FAM118B: variants seen among roughly 807,000 people sequenced by gnomAD.
FAM118B encodes the protein SIR2 antiphage like 1.
FAM118B carries 24 observed loss-of-function variants against 38.5 expected under a neutral mutation model. The observed-to-expected ratio is 0.62, with a 90% CI of 0.45 to 0.88. The LOEUF (loss-of-function observed/expected upper bound fraction) is 0.88, where lower values mean the gene tolerates loss of function less well. FAM118B is among the 40% of genes least tolerant of loss of function. The probability of loss-of-function intolerance (pLI) is 0.00; values close to 1 mark genes in which losing one functional copy is unlikely to be tolerated. For synonymous variants in FAM118B, 138 were observed against 156.3 expected, an observed-to-expected ratio of 0.88 and a Z score of 0.87; for missense variants, 334 against 420.0, an observed-to-expected ratio of 0.80 and a Z score of 1.79.
intron 4 of FAM118B, among the ~76,000 whole-genome samples, chr11:126,248,400 C>T (rs1443011121): frequency 5.5e-5 from 4 of 72,792 alleles, no homozygotes; most frequent in African/African-American, 5.4e-5. Context: ...GATGGAGTTT[C>T]GCTCTTGTTG....
chr11:126,237,083 A>AT lies in FAM118B; in HGVS notation c.86+2002dup, dbSNP rs1950284667. On this transcript the variant is annotated intron_variant, in intron 3 of 8. Transcript: ENST00000533050. ...AGGCGCCCGCCACCATGCCCGGCTA[A>AT]TTTTTTGTATTTTTAGTAGAGACGG... Among the ~76,000 whole-genome samples the AT allele has an allele frequency of 2.0e-5, 3 of 148,298 alleles. No homozygotes were observed. The Admixed American group carries it at 2.0e-4, about 10-fold the overall frequency.
chr11:126,221,903 G>A (rs1049627416), intron 1 of FAM118B, among the ~76,000 whole-genome samples: 1 of 152,032 alleles, frequency 6.6e-6, no homozygotes, highest in South Asian at 2.1e-4. Flanking sequence ...AGCTTTCCTT[G>A]ATTTTCCTCA....
intron 1 of FAM118B, among the ~76,000 whole-genome samples, chr11:126,226,601 T>C (rs1591506174): frequency 6.6e-6 from 1 of 152,248 alleles, no homozygotes; most frequent in East Asian, 1.9e-4. Flanking sequence ...CCAAATCTAC[T>C]AGTCTACTCT....
chr11:126,219,023 G>C (rs1241345752), intron 1 of FAM118B, among the ~76,000 whole-genome samples: 4 of 152,126 alleles, frequency 2.6e-5, no homozygotes, highest in Non-Finnish European at 4.4e-5. Flanking sequence ...TTGCGCATTA[G>C]TTAAATAGAC....
intron 2 of FAM118B, chr11:126,233,519 C>G (rs1432100291): frequency 3.8e-6 from 1 of 264,460 alleles, no homozygotes; most frequent in South Asian, 3.6e-5. Flanking sequence ...CCAGAAAAAC[C>G]TACATGGTTG....
chr11:126,211,729 G>A, upstream of FAM118B: 1 of 1,435,498 alleles, frequency 7.0e-7, no homozygotes, highest in Non-Finnish European at 9.4e-7. Context: ...GTCACGTGGT[G>A]CGGGGTGGGG....
intron 7 of FAM118B, among the ~76,000 whole-genome samples, chr11:126,257,295 TCAAAA>T (rs1950591990): frequency 6.6e-6 from 1 of 152,150 alleles, no homozygotes; most frequent in Non-Finnish European, 1.5e-5. Context: ...AGAAATCCCA[TCAAAA>T]CAATTTATCC....
At chr11:126,215,641 G>A (rs563438398) in intron 1 of FAM118B, among the ~76,000 whole-genome samples, 17 of 146,240 alleles carry the variant, frequency 1.2e-4, no homozygotes, top group African/African-American at 4.3e-4. Context: ...AGCTTGCAGT[G>A]AGCCAAGATC....
At chr11:126,215,575 T>C (rs1001519911) in intron 1 of FAM118B, among the ~76,000 whole-genome samples, 1 of 151,226 alleles carries the variant, frequency 6.6e-6, no homozygotes, top group African/African-American at 2.4e-5. Flanking sequence ...CAGGCACCTG[T>C]AGTCCCAGCT....
chr11:126,232,814 C>T (rs1950226198), intron 2 of FAM118B, among the ~76,000 whole-genome samples: 1 of 151,562 alleles, frequency 6.6e-6, no homozygotes, highest in Non-Finnish European at 1.5e-5. Flanking sequence ...TAAACACATT[C>T]TACCCCTAGT....
chr11:126,218,250 T>G (rs959788650), intron 1 of FAM118B, among the ~76,000 whole-genome samples: 2 of 152,230 alleles, frequency 1.3e-5, no homozygotes, highest in Admixed American at 6.5e-5. Flanking sequence ...TCCACTTCCT[T>G]CAGGTGATGT....
At chr11:126,224,996 A>G (rs951394831) in intron 1 of FAM118B, among the ~76,000 whole-genome samples, 2 of 152,230 alleles carry the variant, frequency 1.3e-5, no homozygotes, top group African/African-American at 2.4e-5. Flanking sequence ...AATTCAGTTC[A>G]TAGGGCAGCT....
Position 126,262,103 on chromosome 11 carries a change from T to C in FAM118B, c.1043-17T>C, listed in dbSNP as rs753064319. On this transcript the variant is annotated splice_polypyrimidine_tract_variant and intron_variant, in intron 8 of 8. Transcript: ENST00000533050. ...TTTGTGAAACTTCATTTTGTTCTCTTTTCTTTCTCCCTACAGGCTGTAGTA... is the reference window on the plus strand; with the variant it reads ...TTTGTGAAACTTCATTTTGTTCTCTCTTCTTTCTCCCTACAGGCTGTAGTA... 27 of 1,614,014 alleles carry C rather than the reference T, an allele frequency of 1.7e-5. No individual in the cohort carries two copies. The highest frequency in any genetic ancestry group is 2.1e-5 in the Non-Finnish European group (25 of 1,179,912).
At position 126,236,625 on chromosome 11, in the gene FAM118B, G is replaced by T. The variant is rs901534901; in HGVS notation, c.86+1538G>T. Among the ~76,000 whole-genome samples the T allele has an allele frequency of 2.0e-5, 3 of 152,186 alleles. No homozygotes were observed. In the East Asian group the frequency reaches 5.8e-4, roughly 29 times the overall value. Reference sequence around the variant, plus strand: ...AGCTGGCAACTAGTACCTTCACTTTGGAGAAGTTGACTTATATTACTTTTT... The same window carrying T: ...AGCTGGCAACTAGTACCTTCACTTTTGAGAAGTTGACTTATATTACTTTTT... On this transcript the variant is annotated intron_variant, in intron 3 of 8. Coordinates refer to ENST00000533050, the MANE Select transcript of FAM118B (RefSeq NM_024556.4).
At chr11:126,224,045 G>A (rs1311629354) in intron 1 of FAM118B, among the ~76,000 whole-genome samples, 1 of 152,198 alleles carries the variant, frequency 6.6e-6, no homozygotes. Context: ...GAGTTAGTTT[G>A]TGAAATAAAT....
intron 7 of FAM118B, chr11:126,261,014 G>C (rs559429186): frequency 1.2e-5 from 2 of 161,604 alleles, no homozygotes; most frequent in African/African-American, 4.8e-5. Context: ...TTATTTTGTG[G>C]GAGTATTCTG....
rs944604118 is a variant in FAM118B at position 126,240,885 on chromosome 11, A to G, written c.180A>G (p.Pro60=). 1 of 1,614,102 alleles carries G rather than the reference A, an allele frequency of 6.2e-7. No homozygotes were observed. Among genetic ancestry groups the G allele is most frequent in the African/African-American group, 1.3e-5 (1 of 74,946 alleles). ...GISAAVAPQV[P]ALKSWKGLIQ... ...GTGCTGCAGTTGCGCCCCAAGTTCC[A>G]GCCCTCAAATCCTGGAAGGGGTTAA... The change falls in exon 4 of 9, where the codon CCA becomes CCG. Residue 60 remains proline, a synonymous_variant. Transcript: ENST00000533050.
In FAM118B at chr11:126,256,550, G is replaced by A; in HGVS notation, c.697-17G>A. On this transcript the variant is annotated splice_polypyrimidine_tract_variant and intron_variant, in intron 6 of 8. Transcript: ENST00000533050. This position sits in a 1 kb window ranked among gnomAD's most constrained non-coding sequence, Gnocchi z 6.6. ...TGTGTCTTCACAATGTCAATATGTT[G>A]TATCTTTTCCTTCCAGAGAGAAATT... The A allele has an allele frequency of 1.9e-6, 3 of 1,611,472 alleles. No homozygotes were observed. The highest frequency in any genetic ancestry group is 2.5e-6 in the Non-Finnish European group (3 of 1,178,544).
At position 126,262,120 on chromosome 11, in the gene FAM118B, G is replaced by A; in HGVS notation, c.1043G>A (p.Gly348Asp). 1 of 1,613,986 alleles carries A rather than the reference G, an allele frequency of 6.2e-7. No homozygotes were observed. The highest frequency in any genetic ancestry group is 8.5e-7 in the Non-Finnish European group (1 of 1,180,002). The change falls in exon 9 of 9, where the codon GGC (glycine) becomes GAC (aspartate). Residue 348 changes from glycine (G) to aspartate (D), a missense_variant and splice_region_variant. This residue lies in a region of FAM118B where 88 missense variants were observed against 98.1 expected (regional missense o/e 0.90). Transcript: ENST00000533050. ...TGTTCTCTTTTCTTTCTCCCTACAG[G>A]CTGTAGTACATGAGCGAGCTAGAGA... ...GSSAAHSEIR[G>D]CST
Sources: gnomAD v4.1 joint callset for allele counts (sites outside exome capture counted in the v4.1 genomes callset) on GRCh38, gnomAD v4.1.1 for gene constraint, gnomAD v4.1.1 regional missense constraint, Gnocchi (gnomAD v3.1) non-coding constraint, MANE v1.5 for transcripts, NCBI Gene and HGNC (gene_info 2026-07-23, HGNC 2026-07-21) for gene names.